The following FAN1 variants were observed in gnomAD, a reference collection of about 807,000 sequenced individuals.
The protein encoded by FAN1 is FANCD2 and FANCI associated nuclease 1.
FAN1 carries 91 observed loss-of-function variants against 104.9 expected under a neutral mutation model. The ratio of observed to expected loss-of-function variants is 0.87; its 90% CI spans 0.73 to 1.03. FAN1 has a LOEUF of 1.03. Among genes scored for constraint, FAN1 ranks in the 50% least tolerant of loss-of-function variants. The pLI is 0.00. For missense variants in FAN1, 1,263 were observed against 1,239.9 expected (o/e 1.02, Z -0.28); for synonymous variants, 478 against 457.6 (o/e 1.04, Z -0.57).
At chr15:30,933,115 C>T (rs2062758461) in intron 13 of FAN1, among the ~76,000 whole-genome samples, 1 of 152,014 alleles carries the variant, frequency 6.6e-6, no homozygotes, top group East Asian at 1.9e-4. Context: ...CTCTTTTTTC[C>T]CTAATGAGTC....
chr15:30,929,862 A>C (rs1289742391), intron 12 of FAN1, among the ~76,000 whole-genome samples: 3 of 60,342 alleles, frequency 5.0e-5, no homozygotes, highest in African/African-American at 9.5e-5. Context: ...TATCATATAT[A>C]ATATATATAA....
In FAN1 at chr15:30,942,127, A is replaced by AG. The variant is rs2063075670; in HGVS notation, c.*567dup. The AG allele has an allele frequency of 5.2e-6, 8 of 1,543,672 alleles. No individual in the cohort carries two copies. The Admixed American group carries it at 9.5e-5, about 18-fold the overall frequency. On this transcript the variant is annotated 3_prime_UTR_variant, in exon 15 of 15. Transcript: ENST00000362065. ...GGGATTCCCTTTTTAGAAAGATTGA[A>AG]GGATGCAATGGCAAATATAAACTCA...
chr15:30,914,008 G>A lies in FAN1; in HGVS notation c.1728G>A (p.Leu576=), dbSNP rs755053060. Residue 576 remains leucine (L), a synonymous_variant, in exon 5 of 15, where the codon TTG becomes TTA. Coordinates refer to ENST00000362065, the MANE Select transcript of FAN1 (RefSeq NM_014967.5). ...AGGGACAGCTTTCAACAGTCCTGTT[G>A]GTCAACCTCGGCCGAATGGAGTTTC... The part of the protein sequence containing the change: ...GGQGQLSTVL[L]VNLGRMEFPS... 21 of 1,614,006 alleles carry A rather than the reference G, an allele frequency of 1.3e-5. No homozygotes were observed. In the Admixed American group the frequency reaches 3.5e-4, roughly 27 times the overall value.
rs373501892 is a variant in FAN1 at position 30,942,304 on chromosome 15, G to C, written c.*742G>C. 9 of 588,208 alleles carry C rather than the reference G, an allele frequency of 1.5e-5. No individual in the cohort carries two copies. In the African/African-American group the frequency reaches 1.7e-4, roughly 11 times the overall value. The allele number at this position is 588,208 out of a possible 1,614,324, so 36.4% of individuals were successfully genotyped here. On this transcript the variant is annotated 3_prime_UTR_variant, in exon 15 of 15. Transcript: ENST00000362065. ...CTATCAGCCTGAATGGGGGCGGGAT[G>C]AGAGTACCTCCTATCCACTAATTTG...
At chr15:30,941,024 A>G (rs1352280343) in intron 14 of FAN1, 1 of 1,168,772 alleles carries the variant, frequency 8.6e-7, no homozygotes, top group Admixed American at 4.2e-5. Flanking sequence ...AGACGACAGA[A>G]AGTAACCAGA....
chr15:30,911,661 G>A, intron 4 of FAN1: 1 of 905,738 alleles, frequency 1.1e-6, no homozygotes, highest in Non-Finnish European at 1.3e-6. Flanking sequence ...ATCCTCATCT[G>A]TGTGGTATGT....
At chr15:30,920,413 T>C (rs1037418495) in intron 6 of FAN1, 132 bp from the exon 7 acceptor site, 1 of 643,640 alleles carries the variant, frequency 1.6e-6, no homozygotes, top group African/African-American at 1.9e-5. Flanking sequence ...TGTAGAAAAT[T>C]GTACACAACT....
chr15:30,928,194 C>T, intron 10 of FAN1: 3 of 1,026,958 alleles, frequency 2.9e-6, no homozygotes, highest in Non-Finnish European at 3.5e-6. Flanking sequence ...CAGCCCAGCC[C>T]TGCTAAGTCC....
rs1566907082 is a variant in FAN1, at chr15:30,905,386, C to T, written c.723C>T (p.Ser241=). 3 of 1,614,070 alleles carry T rather than the reference C, an allele frequency of 1.9e-6. No homozygotes were observed. The highest frequency in any genetic ancestry group is 2.5e-6 in the Non-Finnish European group (3 of 1,180,012). Residue 241 remains serine (S), a synonymous_variant, in exon 2 of 15, where the codon AGC becomes AGT. Transcript: ENST00000362065. ...VRGSKIMEAE[S]QKATRECEKS... is the part of the protein sequence containing the mutation. ...GAAGTAAAATAATGGAAGCCGAAAGCCAAAAGGCTACCCGGGAATGTGAGA... is the reference window on the plus strand; with the variant it reads ...GAAGTAAAATAATGGAAGCCGAAAGTCAAAAGGCTACCCGGGAATGTGAGA...
chr15:30,930,471 C>T (rs968863040), intron 12 of FAN1, 72 bp from the exon 13 acceptor site: 54 of 1,516,556 alleles, frequency 3.6e-5, no homozygotes, highest in African/African-American at 9.8e-5. Flanking sequence ...TTCTCCGTCT[C>T]GTGATCCCTG....
chr15:30,926,045 C>T lies in FAN1; in HGVS notation c.2488+106C>T, dbSNP rs1326398442. 3.5e-6 allele frequency: 4 copies of T among 1,157,460 alleles called. No homozygotes were observed. In the African/African-American group the frequency reaches 4.5e-5, roughly 13 times the overall value. 71.7% of individuals were successfully genotyped at this position (1,157,460 alleles called of 1,614,324 possible). On this transcript the variant is annotated intron_variant, in intron 10 of 14. Transcript: ENST00000362065. Reference sequence around the variant, plus strand: ...TGCTGTCCTCTCTCTGTCCTCTGCTCACAGTGGAAGATGCTGTGGGCTGGG... The same window carrying T: ...TGCTGTCCTCTCTCTGTCCTCTGCTTACAGTGGAAGATGCTGTGGGCTGGG...
At chr15:30,918,407 C>A in intron 6 of FAN1, 112 bp downstream of exon 6, 1 of 1,106,312 alleles carries the variant, frequency 9.0e-7, no homozygotes, top group Non-Finnish European at 1.3e-6. Flanking sequence ...GTGGTTAAAC[C>A]AGCTGTGGAA....
chr15:30,929,606 T>C (rs1286134289), intron 12 of FAN1, among the ~76,000 whole-genome samples: 6 of 123,680 alleles, frequency 4.9e-5, no homozygotes, highest in Non-Finnish European at 9.8e-5. Context: ...TATTACATAT[T>C]ACATATATAA....
At position 30,905,404 on chromosome 15, in the gene FAN1, ATG is replaced by A; in HGVS notation, c.744_745del (p.Cys248Ter). On this transcript the variant is annotated frameshift_variant, in exon 2 of 15. Transcript: ENST00000362065. LOFTEE classifies it high-confidence loss of function. ...EAESQKATRE[C>X]EKSALTPGFS... Reference sequence around the variant, plus strand: ...CCGAAAGCCAAAAGGCTACCCGGGAATGTGAGAAATCAGCCCTCACCCCTGGA... The same window carrying A: ...CCGAAAGCCAAAAGGCTACCCGGGAATGAGAAATCAGCCCTCACCCCTGGA... 1 of 1,614,194 alleles carries A rather than the reference ATG, an allele frequency of 6.2e-7. No individual in the cohort carries two copies. Among genetic ancestry groups the A allele is most frequent in the South Asian group, 1.1e-5 (1 of 91,090 alleles).
intron 14 of FAN1, chr15:30,941,326 A>G: frequency 6.5e-7 from 1 of 1,531,672 alleles, no homozygotes; most frequent in Non-Finnish European, 8.7e-7. Flanking sequence ...AGCATGATTC[A>G]ACATGTTTTT....
At chr15:30,908,564 G>A (rs560103597) in intron 3 of FAN1, among the ~76,000 whole-genome samples, 21 of 152,116 alleles carry the variant, frequency 1.4e-4, no homozygotes, top group Non-Finnish European at 2.6e-4. Context: ...AATACATCCC[G>A]GCCGGGCACG....
In FAN1 at chr15:30,928,599, C is replaced by G; in HGVS notation, c.2535C>G (p.Leu845=). 1 of 1,613,120 alleles carries G rather than the reference C, an allele frequency of 6.2e-7. No homozygotes were observed. Among genetic ancestry groups the G allele is most frequent in the Middle Eastern group, 1.7e-4 (1 of 6,058 alleles). The part of the protein sequence containing the change: ...GSTFSTLYGL[L]LWDIIFMDGI... ...CCTTCAGCACCCTGTATGGCCTCCT[C>G]CTGTGGGACATCATCTTCATGGATG... Residue 845 remains leucine, a synonymous_variant, in exon 11 of 15, where the codon CTC becomes CTG. Coordinates refer to ENST00000362065, the MANE Select transcript of FAN1 (RefSeq NM_014967.5).
chr15:30,939,864 C>G (rs2062979838), intron 14 of FAN1: 2 of 985,300 alleles, frequency 2.0e-6, no homozygotes, highest in Non-Finnish European at 1.2e-6. Context: ...TAAACTGAAA[C>G]TAGCCCTTAT....
intron 12 of FAN1, among the ~76,000 whole-genome samples, chr15:30,929,825 C>CATATAATATATAAA (rs1566930590): frequency 3.2e-5 from 2 of 62,344 alleles, no homozygotes; most frequent in African/African-American, 2.1e-4. Context: ...TATATTATAT[C>CATATAATATATAAA]ATATATAATA....
Sources: allele counts gnomAD v4.1 joint callset (sites outside exome capture counted in the v4.1 genomes callset), GRCh38; gene constraint gnomAD v4.1.1; transcripts MANE v1.5; gene names NCBI Gene and HGNC (gene_info 2026-07-23, HGNC 2026-07-21).